The following XRCC5 variants were observed in gnomAD, a reference collection of about 807,000 sequenced individuals.
XRCC5 encodes X-ray repair cross complementing 5, also known as DNA repair protein Ku80.
XRCC5 carries 12 observed loss-of-function variants against 95.7 expected under a neutral mutation model. The observed-to-expected ratio is 0.13, with a 90% confidence interval of 0.08 to 0.20. The LOEUF is 0.20. Ranked by LOEUF, XRCC5 falls within the 10% of genes least tolerant of loss-of-function variation. The probability of loss-of-function intolerance (pLI) is 1.00; values close to 1 mark genes in which losing one functional copy is unlikely to be tolerated. For missense variants in XRCC5, 595 were observed against 873.9 expected (o/e 0.68, Z 4.02); for synonymous variants, 281 against 290.3 (o/e 0.97, Z 0.33).
At chr2:216,180,242 T>TA (rs1251584796) in intron 16 of XRCC5, among the ~76,000 whole-genome samples, 9 of 152,276 alleles carry the variant, frequency 5.9e-5, no homozygotes, top group African/African-American at 2.2e-4. Context: ...AGGGGTAACT[T>TA]AGATAACACA....
intron 5 of XRCC5, among the ~76,000 whole-genome samples, chr2:216,121,486 G>C (rs573538728): frequency 1.1e-3 from 167 of 152,128 alleles, no homozygotes; most frequent in Non-Finnish European, 9.7e-4. Context: ...CATGTCAAAA[G>C]GGCTAACACT....
intron 10 of XRCC5, 58 bp downstream of exon 10, chr2:216,132,445 A>T: frequency 6.4e-7 from 1 of 1,562,328 alleles, no homozygotes; most frequent in East Asian, 2.2e-5. Flanking sequence ...AAGTCTATGA[A>T]AGCAAGTTGT....
At chr2:216,170,516 T>C (rs1381546439) in intron 16 of XRCC5, among the ~76,000 whole-genome samples, 1 of 151,930 alleles carries the variant, frequency 6.6e-6, no homozygotes, top group Non-Finnish European at 1.5e-5. Flanking sequence ...GAGACACTTT[T>C]AAACCATGAG....
chr2:216,128,458 G>A (rs910379980), intron 8 of XRCC5, among the ~76,000 whole-genome samples: 7 of 152,100 alleles, frequency 4.6e-5, no homozygotes, highest in Non-Finnish European at 5.9e-5. Context: ...TGGTGGTTAT[G>A]ATTCCTTCCT....
rs886311999 is a variant in XRCC5 at position 216,113,978 on chromosome 2, C to T, written c.135+849C>T. 1.3e-5 allele frequency among the ~76,000 whole-genome samples: 2 copies of T among 151,984 alleles called. 1 individual carries two copies. The highest frequency in any genetic ancestry group is 4.1e-4 in the South Asian group (2 of 4,822). Reference sequence around the variant, plus strand: ...AAGGGAGGAGAATTAGACTCCCTCTCTTGATAAAAAGAGTAGCCTGCAAAT... The same window carrying T: ...AAGGGAGGAGAATTAGACTCCCTCTTTTGATAAAAAGAGTAGCCTGCAAAT... On this transcript the variant is annotated intron_variant, in intron 2 of 20. Transcript: ENST00000392132.
intron 12 of XRCC5, among the ~76,000 whole-genome samples, chr2:216,138,562 T>G (rs1240691622): frequency 6.6e-6 from 1 of 152,214 alleles, no homozygotes; most frequent in East Asian, 1.9e-4. Flanking sequence ...AAAGTGACAG[T>G]GCTGAAGATT....
intron 16 of XRCC5, among the ~76,000 whole-genome samples, chr2:216,168,006 A>G (rs938919254): frequency 1.3e-5 from 2 of 152,150 alleles, no homozygotes; most frequent in African/African-American, 2.4e-5. Context: ...ATTTTAAATT[A>G]TTAAACCTCA....
intron 13 of XRCC5, among the ~76,000 whole-genome samples, chr2:216,142,389 C>T (rs565165173): frequency 6.6e-6 from 1 of 152,092 alleles, no homozygotes; most frequent in East Asian, 1.9e-4. Flanking sequence ...AATTAAAATA[C>T]AGAAAATATA....
intron 16 of XRCC5, among the ~76,000 whole-genome samples, chr2:216,177,799 G>A (rs933409366): frequency 2.6e-5 from 4 of 152,108 alleles, no homozygotes; most frequent in African/African-American, 9.7e-5. Flanking sequence ...CATGGACTGA[G>A]AAGAAAATAT....
chr2:216,129,818 C>T (rs997544886), intron 8 of XRCC5, among the ~76,000 whole-genome samples: 2 of 152,080 alleles, frequency 1.3e-5, no homozygotes, highest in East Asian at 1.9e-4. Flanking sequence ...GGACTACAGG[C>T]GCGTGCCACC....
rs1468264255 is a variant in XRCC5, at chr2:216,192,872, A to G, written c.2041+137A>G. Reference sequence around the variant, plus strand: ...TGTGGGAAACATGATGACTTTCTACATGGCTTTGGGAAATGCTCAGTGTTC... The same window carrying G: ...TGTGGGAAACATGATGACTTTCTACGTGGCTTTGGGAAATGCTCAGTGTTC... On this transcript the variant is annotated intron_variant, in intron 18 of 20. Transcript: ENST00000392132. 6.8e-6 allele frequency: 4 copies of G among 590,334 alleles called. No individual in the cohort carries two copies. The East Asian group carries it at 1.1e-4, about 16-fold the overall frequency. The allele number at this position is 590,334 out of a possible 1,614,324, so 36.6% of individuals were successfully genotyped here. A position where few individuals can be genotyped will look rare whatever the true frequency, so the allele number is the denominator to read the frequency against.
intron 1 of XRCC5, among the ~76,000 whole-genome samples, chr2:216,109,909 C>T (rs1482903363): frequency 6.6e-6 from 1 of 152,188 alleles, no homozygotes; most frequent in South Asian, 2.1e-4. Context: ...GAGGGACTAT[C>T]TGTGACTAAA....
At chr2:216,131,072 G>C in intron 9 of XRCC5, 85 bp downstream of exon 9, 1 of 1,426,338 alleles carries the variant, frequency 7.0e-7, no homozygotes, top group Non-Finnish European at 9.5e-7. Flanking sequence ...TATTTATAAG[G>C]TATATTTATT....
At chr2:216,121,408 C>G (rs1696807859) in intron 5 of XRCC5, among the ~76,000 whole-genome samples, 1 of 152,316 alleles carries the variant, frequency 6.6e-6, no homozygotes, top group Non-Finnish European at 1.5e-5. Flanking sequence ...AAGATCACAG[C>G]ACTAACAGAT....
chr2:216,193,858 C>T (rs1689665042), intron 18 of XRCC5, among the ~76,000 whole-genome samples: 1 of 152,146 alleles, frequency 6.6e-6, no homozygotes, highest in South Asian at 2.1e-4. Context: ...TATCAGGTAT[C>T]AGCCATTTGA....
chr2:216,203,848 C>CT (rs56250537), intron 19 of XRCC5, among the ~76,000 whole-genome samples: 3,783 of 118,706 alleles, frequency 0.032, 256 homozygotes, highest in African/African-American at 0.11. Context: ...TTATTCTAAG[C>CT]TTTTTTTTTT....
At chr2:216,179,720 C>G (rs1035419049) in intron 16 of XRCC5, among the ~76,000 whole-genome samples, 3 of 152,280 alleles carry the variant, frequency 2.0e-5, no homozygotes, top group Admixed American at 6.5e-5. Context: ...AAAGTAGGAG[C>G]TGAGAAGTCA....
intron 6 of XRCC5, among the ~76,000 whole-genome samples, chr2:216,125,467 G>A (rs1328165843): frequency 6.6e-6 from 1 of 152,246 alleles, no homozygotes; most frequent in Admixed American, 6.5e-5. Flanking sequence ...AAAGTGCTAG[G>A]ATTACAGGTG....
chr2:216,203,381 G>T (rs954274418), intron 19 of XRCC5, among the ~76,000 whole-genome samples: 14 of 152,202 alleles, frequency 9.2e-5, no homozygotes, highest in African/African-American at 3.4e-4. Context: ...TCACCTTCTC[G>T]TGTTAGGATA....
Sources: gnomAD v4.1 joint callset for allele counts (sites outside exome capture counted in the v4.1 genomes callset) on GRCh38, gnomAD v4.1.1 for gene constraint, MANE v1.5 for transcripts, NCBI Gene and HGNC (gene_info 2026-07-23, HGNC 2026-07-21) for gene names.